Variants in C3orf49 observed in about 807,000 individuals in gnomAD.
C3orf49 encodes putative uncharacterized protein C3orf49.
Under a neutral mutation model 13.3 loss-of-function variants are expected in C3orf49, and 27 were observed. The ratio of observed to expected loss-of-function variants is 2.02; its 90% CI spans 1.49 to 2.79. The LOEUF (loss-of-function observed/expected upper bound fraction) is 2.79. Ranked by LOEUF, C3orf49 falls within the 30% of genes most tolerant of loss-of-function variation. The probability of loss-of-function intolerance (pLI) is 0.00; values close to 1 mark genes in which losing one functional copy is unlikely to be tolerated. For missense variants in C3orf49, 242 were observed against 134.2 expected (o/e 1.80, Z -3.97); for synonymous variants, 87 against 47.6 (o/e 1.83, Z -3.40).
At chr3:63,839,996 GA>G (rs1439510617) in intron 5 of C3orf49, among the ~76,000 whole-genome samples, 1 of 152,140 alleles carries the variant, frequency 6.6e-6, no homozygotes, top group East Asian at 1.9e-4. Flanking sequence ...ATATACTAAA[GA>G]AAAAAGAAAG....
chr3:63,838,827 T>C (rs1273044862), intron 5 of C3orf49, among the ~76,000 whole-genome samples: 1 of 152,222 alleles, frequency 6.6e-6, no homozygotes, highest in Non-Finnish European at 1.5e-5. Context: ...GTTCCCACAA[T>C]TTTTTCACTC....
At chr3:63,829,979 G>A (rs1238031630) in intron 3 of C3orf49, among the ~76,000 whole-genome samples, 2 of 152,052 alleles carry the variant, frequency 1.3e-5, no homozygotes, top group Admixed American at 6.6e-5. Context: ...ATATATATAT[G>A]TATTTGAATT....
At chr3:63,846,288 A>G in intron 6 of C3orf49, 1 of 419,136 alleles carries the variant, frequency 2.4e-6, no homozygotes, top group South Asian at 1.7e-5. Flanking sequence ...TCCCCAAGCG[A>G]CTTGCACTCC....
At chr3:63,814,694 T>C (rs1701304527), upstream of C3orf49, among the ~76,000 whole-genome samples, 1 of 151,422 alleles carries the variant, frequency 6.6e-6, no homozygotes, top group African/African-American at 2.4e-5. Flanking sequence ...ATAAAGAGAG[T>C]TGACTGATGG....
At chr3:63,834,225 C>G (rs373931203) in intron 5 of C3orf49, 17 of 1,611,694 alleles carry the variant, frequency 1.1e-5, no homozygotes, top group Non-Finnish European at 1.4e-5. Flanking sequence ...AAACATAAAA[C>G]CTTAGTCAAG....
chr3:63,827,897 A>T (rs1478178114), intron 3 of C3orf49, among the ~76,000 whole-genome samples, 172 bp downstream of exon 3: 1 of 152,140 alleles, frequency 6.6e-6, no homozygotes, highest in Non-Finnish European at 1.5e-5. Flanking sequence ...AGATTCTTCT[A>T]CTTCTAAGCT....
At chr3:63,817,111 C>T (rs1020561419), upstream of C3orf49, among the ~76,000 whole-genome samples, 14 of 152,014 alleles carry the variant, frequency 9.2e-5, no homozygotes, top group African/African-American at 2.9e-4. Flanking sequence ...GGGCTTCTTC[C>T]ACCTCCGGGC....
chr3:63,830,589 G>T (rs1207766118), intron 3 of C3orf49, among the ~76,000 whole-genome samples: 1 of 152,208 alleles, frequency 6.6e-6, no homozygotes, highest in Non-Finnish European at 1.5e-5. Context: ...TGTTAGGACA[G>T]GTACTTGTAA....
At chr3:63,820,286 A>C (rs2107092534) in intron 1 of C3orf49, among the ~76,000 whole-genome samples, 1 of 152,372 alleles carries the variant, frequency 6.6e-6, no homozygotes, top group South Asian at 2.1e-4. Flanking sequence ...TTCCATGGAC[A>C]AAATAAAATA....
chr3:63,809,311 C>T, the C3orf49 span, among the ~76,000 whole-genome samples: 212 of 152,292 alleles, frequency 1.4e-3, 1 homozygote, highest in African/African-American at 4.7e-3. Context: ...CCCAGTGAGA[C>T]CCATGTCAGA....
At chr3:63,831,013 A>AAGAT in intron 3 of C3orf49, 97 bp from the exon 4 acceptor site, 1 of 627,684 alleles carries the variant, frequency 1.6e-6, no homozygotes, top group Non-Finnish European at 2.8e-6. Flanking sequence ...TTCAGTTTAT[A>AAGAT]AGATAATGTC....
chr3:63,794,464 T>C, the C3orf49 span, among the ~76,000 whole-genome samples: 1 of 152,134 alleles, frequency 6.6e-6, no homozygotes, highest in Non-Finnish European at 1.5e-5. Context: ...TTTCCCTTGA[T>C]TCCAAAATCT....
At chr3:63,820,230 G>C (rs936815598) in intron 1 of C3orf49, among the ~76,000 whole-genome samples, 2 of 152,120 alleles carry the variant, frequency 1.3e-5, no homozygotes, top group African/African-American at 4.8e-5. Context: ...GTAGAAGTGA[G>C]GTGTTTTAAT....
chr3:63,835,079 A>G (rs1185086388), intron 5 of C3orf49: 13 of 1,423,892 alleles, frequency 9.1e-6, no homozygotes, highest in South Asian at 2.5e-5. Flanking sequence ...TCCAAGATGT[A>G]TATTTCAAAA....
the C3orf49 span, among the ~76,000 whole-genome samples, chr3:63,802,564 ATCTT>A: frequency 3.9e-5 from 6 of 152,148 alleles, no homozygotes; most frequent in African/African-American, 1.4e-4. Context: ...ATGTGGCCAC[ATCTT>A]TCTTAGTTTT....
chr3:63,806,085 G>A, the C3orf49 span, among the ~76,000 whole-genome samples: 41 of 152,252 alleles, frequency 2.7e-4, 1 homozygote, highest in African/African-American at 8.2e-4. Flanking sequence ...CAAAGGATAA[G>A]CCAGAGTGCC....
chr3:63,792,430 T>A, the C3orf49 span, among the ~76,000 whole-genome samples: 1 of 152,340 alleles, frequency 6.6e-6, no homozygotes, highest in Middle Eastern at 3.4e-3. Context: ...ATTTGGCCAC[T>A]CTATGCCTAA....
intron 1 of C3orf49, among the ~76,000 whole-genome samples, chr3:63,820,321 A>T (rs2107092596): frequency 6.6e-6 from 1 of 152,340 alleles, no homozygotes; most frequent in South Asian, 2.1e-4. Flanking sequence ...ACTTTCAATG[A>T]AAAGTAGGCA....
the C3orf49 span, among the ~76,000 whole-genome samples, chr3:63,800,584 T>A: frequency 6.6e-6 from 1 of 152,156 alleles, no homozygotes; most frequent in South Asian, 2.1e-4. Flanking sequence ...TTTGAGTGCT[T>A]ATTAATTACT....
Sources: allele counts gnomAD v4.1 joint callset (sites outside exome capture counted in the v4.1 genomes callset), GRCh38; gene constraint gnomAD v4.1.1; transcripts MANE v1.5; gene names NCBI Gene and HGNC (gene_info 2026-07-23, HGNC 2026-07-21).